Variants in CSMD1 observed in about 807,000 individuals in gnomAD.
The protein encoded by CSMD1 is CUB and Sushi multiple domains 1, also known as CUB and sushi domain-containing protein 1.
Under a neutral mutation model 417.5 loss-of-function variants are expected in CSMD1, and 213 were observed. The observed-to-expected ratio is 0.51, with a 90% CI of 0.46 to 0.57. The LOEUF is 0.57. CSMD1 is among the 20% of genes least tolerant of loss of function. The pLI, the probability that CSMD1 is intolerant of heterozygous loss-of-function variation, is 0.00. For missense variants in CSMD1, 6,923 were observed against 4,529.7 expected, an observed-to-expected ratio of 1.53 and a Z score of -15.17; for synonymous variants, 2,862 against 1,736.8, an observed-to-expected ratio of 1.65 and a Z score of -16.11.
intron 5 of CSMD1, among the ~76,000 whole-genome samples, chr8:3,984,875 G>C (rs896656269): frequency 6.6e-6 from 1 of 151,448 alleles, no homozygotes; most frequent in African/African-American, 2.4e-5. Flanking sequence ...GAGAAAGTTT[G>C]AATCTATGTC....
rs1242826560 is a variant in CSMD1 at position 4,624,423 on chromosome 8, C to G, written c.302+12919G>C. Among the ~76,000 whole-genome samples the G allele has an allele frequency of 4.6e-5, 7 of 152,150 alleles. No homozygotes were observed. In the East Asian group the frequency reaches 1.3e-3, roughly 29 times the overall value. ...ACTTCTTTGGATGCCTTTCCCAATC[C>G]TCTCTGGAATTACCAGCATATGGCA... is the stretch of plus-strand genomic sequence containing the variant. On this transcript the variant is annotated intron_variant, in intron 2 of 69. Transcript: ENST00000635120.
intron 1 of CSMD1, among the ~76,000 whole-genome samples, chr8:4,689,205 G>C (rs765379938): frequency 2.0e-5 from 3 of 152,120 alleles, no homozygotes; most frequent in African/African-American, 7.2e-5. Flanking sequence ...TTTGTGTTCA[G>C]ATCCTACTGT....
intron 1 of CSMD1, among the ~76,000 whole-genome samples, chr8:4,850,429 T>C (rs1389483197): frequency 1.6e-5 from 2 of 126,522 alleles, no homozygotes; most frequent in Non-Finnish European, 3.3e-5. Flanking sequence ...GTAAAAAACA[T>C]CTTTACTCTT....
At chr8:4,508,451 C>T (rs1802648199) in intron 2 of CSMD1, among the ~76,000 whole-genome samples, 1 of 152,074 alleles carries the variant, frequency 6.6e-6, no homozygotes, top group South Asian at 2.1e-4. Flanking sequence ...ACCAATGAAA[C>T]AAGTAAGAAT....
At chr8:3,912,283 G>A (rs552419617) in intron 5 of CSMD1, among the ~76,000 whole-genome samples, 60 of 152,264 alleles carry the variant, frequency 3.9e-4, no homozygotes, top group African/African-American at 1.4e-3. Flanking sequence ...ACAATATACG[G>A]AGGGTGAATA....
chr8:4,432,169 G>T (rs899610664), intron 2 of CSMD1, among the ~76,000 whole-genome samples: 1 of 152,134 alleles, frequency 6.6e-6, no homozygotes, highest in Non-Finnish European at 1.5e-5. Flanking sequence ...AACATGATTG[G>T]CAATTATATT....
chr8:3,123,972 C>T (rs1160488581), intron 41 of CSMD1, among the ~76,000 whole-genome samples: 1 of 152,160 alleles, frequency 6.6e-6, no homozygotes, highest in African/African-American at 2.4e-5. Context: ...GGCTCTAGCG[C>T]CCTTCTGCTC....
rs563084964 is a variant in CSMD1 at position 4,100,054 on chromosome 8, C to T, written c.416-67955G>A. 8.5e-5 allele frequency among the ~76,000 whole-genome samples: 13 copies of T among 152,230 alleles called. No individual in the cohort carries two copies. The South Asian group carries it at 1.7e-3, about 19-fold the overall frequency. Reference sequence around the variant, plus strand: ...GATATAATGTAATAACGTGAGCATGCACTTTAGAATCCAAGAAATTTGGGT... The same window carrying T: ...GATATAATGTAATAACGTGAGCATGTACTTTAGAATCCAAGAAATTTGGGT... On this transcript the variant is annotated intron_variant, in intron 3 of 69. Transcript: ENST00000635120.
At chr8:4,119,041 T>A (rs1015331547) in intron 3 of CSMD1, among the ~76,000 whole-genome samples, 1 of 151,930 alleles carries the variant, frequency 6.6e-6, no homozygotes, top group African/African-American at 2.4e-5. Context: ...AGTTGAATAA[T>A]GAGAACACAC....
At chr8:4,851,203 T>C (rs1012195964) in intron 1 of CSMD1, among the ~76,000 whole-genome samples, 1 of 150,538 alleles carries the variant, frequency 6.6e-6, no homozygotes, top group Non-Finnish European at 1.5e-5. Context: ...AGTGTTTGGA[T>C]TTTTGTCCTT....
At chr8:4,034,049 C>A (rs1797492313) in intron 3 of CSMD1, among the ~76,000 whole-genome samples, 1 of 152,142 alleles carries the variant, frequency 6.6e-6, no homozygotes, top group African/African-American at 2.4e-5. Flanking sequence ...GAAACTATTT[C>A]ATGTCTGTAT....
At chr8:3,572,783 C>T (rs746643740) in intron 10 of CSMD1, among the ~76,000 whole-genome samples, 1 of 152,116 alleles carries the variant, frequency 6.6e-6, no homozygotes, top group Non-Finnish European at 1.5e-5. Context: ...TGCATGTAAT[C>T]TATTTACTCT....
chr8:4,898,253 A>G (rs1457096950), intron 1 of CSMD1, among the ~76,000 whole-genome samples: 1 of 152,132 alleles, frequency 6.6e-6, no homozygotes, highest in East Asian at 1.9e-4. Context: ...TGCTTAGATG[A>G]CTTGCCCGTT....
At chr8:4,604,798 T>C (rs1048563651) in intron 2 of CSMD1, among the ~76,000 whole-genome samples, 13 of 152,194 alleles carry the variant, frequency 8.5e-5, no homozygotes, top group African/African-American at 3.1e-4. Flanking sequence ...TCTTCCTCAA[T>C]ATTTAGTTGT....
intron 39 of CSMD1, among the ~76,000 whole-genome samples, chr8:3,152,655 G>A (rs187500770): frequency 4.1e-4 from 62 of 152,266 alleles, no homozygotes; most frequent in Admixed American, 2.7e-3. Context: ...TGAAAAATGT[G>A]AGCTACAAAC....
At chr8:4,901,108 C>G (rs1208392747) in intron 1 of CSMD1, among the ~76,000 whole-genome samples, 1 of 152,198 alleles carries the variant, frequency 6.6e-6, no homozygotes, top group Non-Finnish European at 1.5e-5. Context: ...ACAGTATACC[C>G]TCGTCAGTAT....
chr8:4,247,679 T>C (rs1802795872), intron 3 of CSMD1, among the ~76,000 whole-genome samples: 1 of 152,170 alleles, frequency 6.6e-6, no homozygotes, highest in East Asian at 1.9e-4. Context: ...TTTTGTAATG[T>C]ATGAGCTTCT....
At chr8:3,819,441 C>A (rs569819694) in intron 5 of CSMD1, among the ~76,000 whole-genome samples, 1 of 151,992 alleles carries the variant, frequency 6.6e-6, no homozygotes, top group South Asian at 2.1e-4. Flanking sequence ...AAGTTGGAAG[C>A]TAGAAGTGCT....
chr8:3,949,381 C>G (rs754336956), intron 5 of CSMD1, among the ~76,000 whole-genome samples: 1 of 152,130 alleles, frequency 6.6e-6, no homozygotes, highest in Non-Finnish European at 1.5e-5. Context: ...CTGGAAACAA[C>G]CACTTTACTT....
Sources: allele counts gnomAD v4.1 joint callset (sites outside exome capture counted in the v4.1 genomes callset), GRCh38; gene constraint gnomAD v4.1.1; transcripts MANE v1.5; gene names NCBI Gene and HGNC (gene_info 2026-07-23, HGNC 2026-07-21).